Variants in DDO observed in about 807,000 individuals in gnomAD.
DDO encodes the protein D-aspartate oxidase, DDO.
Under a neutral mutation model 16.8 loss-of-function variants are expected in DDO, and 16 were observed. The observed-to-expected ratio is 0.95, with a 90% CI of 0.65 to 1.45. The LOEUF is 1.45. Among genes scored for constraint, DDO ranks in the 40% most tolerant of loss-of-function variants. DDO has a pLI of 0.00. For missense variants in DDO, 429 were observed against 420.3 expected (o/e 1.02, Z -0.18); for synonymous variants, 180 against 167.2 (o/e 1.08, Z -0.59).
rs1279982930 is a variant in DDO, at chr6:110,405,689, G to A, written c.282-739C>T. Among the ~76,000 whole-genome samples, 5 of 152,122 alleles carry A rather than the reference G, an allele frequency of 3.3e-5. No homozygotes were observed. The South Asian group carries it at 6.2e-4, about 19-fold the overall frequency. ...TATGATCCCAGCACTTTAGGAGGCC[G>A]AGGGGAAGTTCGAGACCAGCCTGGG... On this transcript the variant is annotated intron_variant, in intron 3 of 4. Transcript: ENST00000368924.
At position 110,392,054 on chromosome 6, in the gene DDO, T is replaced by C. The variant is rs1041564346; in HGVS notation, c.*721A>G. The C allele has an allele frequency of 1.0e-4, 36 of 343,440 alleles. No individual in the cohort carries two copies. Among genetic ancestry groups the C allele is most frequent in the African/African-American group, 8.0e-4 (36 of 44,988 alleles). 21.3% of individuals were successfully genotyped at this position (343,440 alleles called of 1,614,324 possible). On this transcript the variant is annotated 3_prime_UTR_variant, in exon 5 of 5. Coordinates refer to ENST00000368924, the MANE Select transcript of DDO (RefSeq NM_001372108.2). ...ACCCCAGGCAGCTATTGAATTGATA[T>C]GACATACATAGGCAACTTCATCTCT...
At chr6:110,394,751 C>G (rs1773235732) in intron 4 of DDO, among the ~76,000 whole-genome samples, 1 of 152,246 alleles carries the variant, frequency 6.6e-6, no homozygotes, top group Non-Finnish European at 1.5e-5. Context: ...TCTTGGCCAA[C>G]TCACCTCACT....
chr6:110,409,129 C>T (rs982990188), intron 2 of DDO, among the ~76,000 whole-genome samples: 1 of 152,208 alleles, frequency 6.6e-6, no homozygotes, highest in Non-Finnish European at 1.5e-5. Flanking sequence ...CATACCATCC[C>T]CCAGGCACCT....
rs746791254 is a variant in DDO, at chr6:110,404,957, C to T, written c.282-7G>A. 6.2e-6 allele frequency: 10 copies of T among 1,611,602 alleles called. No homozygotes were observed. Among genetic ancestry groups the T allele is most frequent in the Non-Finnish European group, 8.5e-6 (10 of 1,178,980 alleles). On this transcript the variant is annotated splice_region_variant and splice_polypyrimidine_tract_variant and intron_variant, in intron 3 of 4. Transcript: ENST00000368924. ...GCTCTGAAATATCTGCCAACTCAAA[C>T]GTATTAAGTGAACATTTTTTCCTGA...
rs574664686 is a variant in DDO at position 110,415,485 on chromosome 6, T to C, written c.-23A>G. On this transcript the variant is annotated 5_prime_UTR_variant, in exon 1 of 5. Transcript: ENST00000368924. ...CAAGTACCTGTCTCTGAAAAAGCAG[T>C]CTTGGAAGCCACCAAAATCTCTGGC... The C allele has an allele frequency of 1.2e-6, 2 of 1,614,168 alleles. No homozygotes were observed. Among genetic ancestry groups the C allele is most frequent in the Middle Eastern group, 1.7e-4 (1 of 6,056 alleles).
chr6:110,399,746 GTCAGGAGGGAGCCAGGTC>G (rs1450914346), intron 4 of DDO, among the ~76,000 whole-genome samples: 1 of 152,252 alleles, frequency 6.6e-6, no homozygotes, highest in East Asian at 1.9e-4. Context: ...CCACACCGGG[GTCAGGAGGGAGCCAGGTC>G]TCAGGAGCAC....
chr6:110,400,343 C>CG lies in DDO; in HGVS notation c.458+4430dup, dbSNP rs554097882. Among the ~76,000 whole-genome samples the CG allele has an allele frequency of 3.1e-4, 39 of 126,430 alleles. 2 individuals are homozygous for CG. Among genetic ancestry groups the CG allele is most frequent in the African/African-American group, 8.7e-4 (28 of 32,278 alleles). 82.9% of individuals were successfully genotyped at this position (126,430 alleles called of 152,430 possible). ...GCTGGGAGGGTGCGCAGGAGCGGGC[C>CG]GGGGCGGGGACTGGCGCCTCATCAC... On this transcript the variant is annotated intron_variant, in intron 4 of 4. Coordinates refer to ENST00000368924, the MANE Select transcript of DDO (RefSeq NM_001372108.2).
chr6:110,408,355 G>A lies in DDO; in HGVS notation c.260C>T (p.Ala87Val). The A allele has an allele frequency of 6.2e-7, 1 of 1,614,114 alleles. No individual in the cohort carries two copies. Among genetic ancestry groups the A allele is most frequent in the South Asian group, 1.1e-5 (1 of 91,074 alleles). ...TTACCCTGATACCAAATGAACACCA[G>A]CATCTCCAGCTTCTGCAGAATTGGC... is the stretch of plus-strand genomic sequence containing the variant. Reference protein sequence around the residue: ...AIANSAEAGDAGVHLVSGWQI... With the variant: ...AIANSAEAGDVGVHLVSGWQI... Residue 87 changes from alanine to valine, a missense_variant, in exon 3 of 5, where the codon GCT (alanine) becomes GTT (valine). Physicochemically the swap from Ala to Val is moderately conservative, Grantham distance 64 (BLOSUM62 0). Coordinates refer to ENST00000368924, the MANE Select transcript of DDO (RefSeq NM_001372108.2).
Position 110,415,567 on chromosome 6 carries a change from A to C in DDO, c.-105T>G. 6.2e-7 allele frequency: 1 copy of C among 1,613,302 alleles called. No individual in the cohort carries two copies. Among genetic ancestry groups the C allele is most frequent in the Non-Finnish European group, 8.5e-7 (1 of 1,179,758 alleles). ...CTCATGCCCTGAGAGACAGAGAGAA[A>C]GCGAAACTGATTCCCATTGGTGACT... On this transcript the variant is annotated 5_prime_UTR_variant, in exon 1 of 5. Transcript: ENST00000368924.
intron 4 of DDO, among the ~76,000 whole-genome samples, chr6:110,398,622 T>C (rs1773373364): frequency 6.6e-6 from 1 of 152,034 alleles, no homozygotes; most frequent in African/African-American, 2.4e-5. Flanking sequence ...CCTGGTGAGC[T>C]CCAGGGCAGA....
At chr6:110,388,671 G>A (rs1056969598), downstream of DDO, 14 of 360,620 alleles carry the variant, frequency 3.9e-5, no homozygotes, top group African/African-American at 2.9e-4. Flanking sequence ...TTTGCCTGCT[G>A]AAGAAGCACA....
chr6:110,408,046 G>GT lies in DDO; in HGVS notation c.281+287dup, dbSNP rs545911020. On this transcript the variant is annotated intron_variant, in intron 3 of 4. Transcript: ENST00000368924. Reference sequence around the variant, plus strand: ...CAAATCCAGCATTTACCTCCTGCGTGTTTTTTTAACCAAATTTGCAAATCA... The same window carrying GT: ...CAAATCCAGCATTTACCTCCTGCGTGTTTTTTTTAACCAAATTTGCAAATCA... Among the ~76,000 whole-genome samples the GT allele has an allele frequency of 3.3e-3, 506 of 152,242 alleles. 1 individual carries two copies. The highest frequency in any genetic ancestry group is 5.6e-3 in the Non-Finnish European group (382 of 68,028).
chr6:110,392,359 A>G lies in DDO; in HGVS notation c.*416T>C. 1 of 988,264 alleles carries G rather than the reference A, an allele frequency of 1.0e-6. No individual in the cohort carries two copies. The highest frequency in any genetic ancestry group is 1.2e-6 in the Non-Finnish European group (1 of 832,020). The allele number at this position is 988,264 out of a possible 1,614,324, so 61.2% of individuals were successfully genotyped here. On this transcript the variant is annotated 3_prime_UTR_variant, in exon 5 of 5. Transcript: ENST00000368924. ...TCTATAGCTTCCAACATTCATATAA[A>G]TCTGCATAGGTCCTTGGACATCAGT...
intron 2 of DDO, among the ~76,000 whole-genome samples, chr6:110,410,787 G>A (rs1199268661): frequency 6.6e-6 from 1 of 152,112 alleles, no homozygotes; most frequent in African/African-American, 2.4e-5. Flanking sequence ...ATGTGATTTG[G>A]GTGGGGATAC....
At chr6:110,403,668 G>A (rs566528919) in intron 4 of DDO, among the ~76,000 whole-genome samples, 9 of 152,316 alleles carry the variant, frequency 5.9e-5, no homozygotes, top group African/African-American at 1.7e-4. Context: ...AGATTACGAT[G>A]CCACTGACAT....
Position 110,393,263 on chromosome 6 carries a change from C to A in DDO, c.538G>T (p.Val180Phe), listed in dbSNP as rs764925604. The A allele has an allele frequency of 1.2e-6, 2 of 1,613,914 alleles. No individual in the cohort carries two copies. Among genetic ancestry groups the A allele is most frequent in the Non-Finnish European group, 1.7e-6 (2 of 1,179,932 alleles). The part of the protein sequence containing the change: ...WELHPSFDIV[V>F]NCSGLGSRQL... ...CTGCTTCCAAGGCCTGAACAGTTGACCACGATGTCAAAGGACGGATGAAGT... is the reference window on the plus strand; with the variant it reads ...CTGCTTCCAAGGCCTGAACAGTTGAACACGATGTCAAAGGACGGATGAAGT... Residue 180 changes from valine (V) to phenylalanine (F), a missense_variant, in exon 5 of 5, where the codon GTC becomes TTC. By Grantham distance (50) the Val-to-Phe change is conservative. Transcript: ENST00000368924.
downstream of DDO, chr6:110,388,671 G>T: frequency 2.8e-6 from 1 of 360,736 alleles, no homozygotes; most frequent in Non-Finnish European, 3.9e-6. Flanking sequence ...TTTGCCTGCT[G>T]AAGAAGCACA....
chr6:110,402,961 A>G (rs954146118), intron 4 of DDO, among the ~76,000 whole-genome samples: 4 of 152,232 alleles, frequency 2.6e-5, no homozygotes, highest in African/African-American at 4.8e-5. Flanking sequence ...CTTACTGATC[A>G]TTAAGACAAA....
chr6:110,409,260 C>A (rs569610076), intron 2 of DDO, among the ~76,000 whole-genome samples: 3 of 152,208 alleles, frequency 2.0e-5, no homozygotes, highest in African/African-American at 7.2e-5. Context: ...GGCACAGAGA[C>A]GGCAGGAATG....
Sources: allele counts gnomAD v4.1 joint callset (sites outside exome capture counted in the v4.1 genomes callset), GRCh38; gene constraint gnomAD v4.1.1; transcripts MANE v1.5; gene names NCBI Gene and HGNC (gene_info 2026-07-23, HGNC 2026-07-21).